Variants in TLE3 observed in about 807,000 individuals in gnomAD.
The protein encoded by TLE3 is transducin-like enhancer protein 3.
A neutral mutation model predicts 93.0 loss-of-function variants in TLE3; 14 were observed. That is an observed-to-expected ratio of 0.15 (90% confidence interval 0.10 to 0.24). The LOEUF is 0.24. TLE3 is among the 10% of genes least tolerant of loss of function. The probability of loss-of-function intolerance (pLI) is 1.00; values close to 1 mark genes in which losing one functional copy is unlikely to be tolerated. For missense variants in TLE3, 693 were observed against 1,046.6 expected (o/e 0.66, Z 4.66); for synonymous variants, 451 against 425.0 (o/e 1.06, Z -0.75).
chr15:70,065,984 G>GGCCCACCCCCC, intron 7 of TLE3, 30 bp downstream of exon 7: 1 of 768,878 alleles, frequency 1.3e-6, no homozygotes, highest in Non-Finnish European at 2.1e-6. Context: ...CCCCTGCCCC[G>GGCCCACCCCCC]CCCCACCCTC....
chr15:70,064,306 G>C, intron 8 of TLE3, 148 bp downstream of exon 8: 1 of 928,186 alleles, frequency 1.1e-6, no homozygotes, highest in Non-Finnish European at 1.6e-6. Context: ...AAAATCCCTA[G>C]TTACAACCCA....
intron 3 of TLE3, 53 bp downstream of exon 3, chr15:70,095,525 C>G (rs1161259283): frequency 6.5e-7 from 1 of 1,546,954 alleles, no homozygotes; most frequent in South Asian, 1.2e-5. Context: ...ACGCCGCGCC[C>G]CCGGCCGGGG....
At chr15:70,053,751 TAAAG>T (rs1224854568) in intron 16 of TLE3, 1 of 176,156 alleles carries the variant, frequency 5.7e-6, no homozygotes, top group Non-Finnish European at 1.2e-5. Flanking sequence ...AGATGACTGA[TAAAG>T]AGAATGCAGG....
chr15:70,075,110 G>A (rs1197673847), intron 5 of TLE3, among the ~76,000 whole-genome samples: 3 of 152,238 alleles, frequency 2.0e-5, no homozygotes, highest in African/African-American at 7.2e-5. Flanking sequence ...ATCCATACCT[G>A]TCTAAATAGA....
rs200168681 is a variant in TLE3, at chr15:70,056,383, C to T, written c.1252-9G>A. 78 of 1,610,340 alleles carry T rather than the reference C, an allele frequency of 4.8e-5. No individual in the cohort carries two copies. Among genetic ancestry groups the T allele is most frequent in the Non-Finnish European group, 1.1e-5 (13 of 1,177,802 alleles). On this transcript the variant is annotated splice_polypyrimidine_tract_variant and intron_variant, in intron 13 of 19. Transcript: ENST00000451782. ...TGAGGGTCAAAACCAACCTGTAAAG[C>T]AAGGCAAGACAGCCCTCCATCAGCC... is the stretch of plus-strand genomic sequence containing the variant.
At position 70,050,087 on chromosome 15, in the gene TLE3, G is replaced by T. The variant is rs1407182317; in HGVS notation, c.*10C>A. 6.2e-7 allele frequency: 1 copy of T among 1,609,634 alleles called. No individual in the cohort carries two copies. The highest frequency in any genetic ancestry group is 8.5e-7 in the Non-Finnish European group (1 of 1,175,990). On this transcript the variant is annotated 3_prime_UTR_variant, in exon 20 of 20. Coordinates refer to ENST00000451782, the MANE Select transcript of TLE3 (RefSeq NM_001105192.3). Reference sequence around the variant, plus strand: ...CTCCCAGAGTTTGACAGCCCTGCTGGAGTTCTTGTTTAGTAGATGACCTCA... The same window carrying T: ...CTCCCAGAGTTTGACAGCCCTGCTGTAGTTCTTGTTTAGTAGATGACCTCA...
intron 7 of TLE3, among the ~76,000 whole-genome samples, chr15:70,065,234 C>T (rs1016190958): frequency 1.3e-5 from 2 of 152,248 alleles, no homozygotes; most frequent in African/African-American, 4.8e-5. Context: ...AATACCGTAT[C>T]TAAGGGCAGA....
Position 70,096,184 on chromosome 15 carries a change from C to G in TLE3, c.102G>C (p.Gln34His). Residue 34 changes from glutamine (Q) to histidine (H), a missense_variant, in exon 2 of 20, where the codon CAG becomes CAC. Gln to His is a conservative substitution (Grantham distance 24). Transcript: ENST00000451782. ...ESCDRIKDEF[Q>H]FLQAQYHSLK... ...ACCTGTGATACTGAGCTTGCAGGAA[C>G]TGGAATTCGTCTTTGATCCTGTCAC... The G allele has an allele frequency of 6.4e-7, 1 of 1,559,546 alleles. No individual in the cohort carries two copies. Among genetic ancestry groups the G allele is most frequent in the Non-Finnish European group, 8.7e-7 (1 of 1,151,480 alleles).
intron 6 of TLE3, among the ~76,000 whole-genome samples, chr15:70,073,442 C>T (rs896838277): frequency 2.6e-5 from 4 of 152,144 alleles, no homozygotes; most frequent in Admixed American, 1.3e-4. Flanking sequence ...TGACTTCCCA[C>T]GAGAACAGAA....
rs1475689868 is a variant in TLE3, at chr15:70,095,597, A to G, written c.170T>C (p.Met57Thr). The G allele has an allele frequency of 6.4e-7, 1 of 1,551,492 alleles. No individual in the cohort carries two copies. Among genetic ancestry groups the G allele is most frequent in the Non-Finnish European group, 8.7e-7 (1 of 1,146,886 alleles). The change falls in exon 3 of 20, where the codon ATG becomes ACG. Residue 57 changes from methionine (M) to threonine (T), a missense_variant. Transcript: ENST00000451782. Reference protein sequence around the residue: ...YDKLANEKTEMQRHYVMYYEM... With the variant: ...YDKLANEKTETQRHYVMYYEM... ...TCTCACCATCACATAATGGCGCTGC[A>G]TCTCCGTCTTCTCGTTTGCCAGCTT...
chr15:70,063,045 C>T (rs925435514), intron 8 of TLE3, among the ~76,000 whole-genome samples: 2 of 152,226 alleles, frequency 1.3e-5, no homozygotes, highest in African/African-American at 4.8e-5. Context: ...GGGCTTCCCA[C>T]TCCCCCTCCA....
intron 6 of TLE3, among the ~76,000 whole-genome samples, chr15:70,068,059 G>A (rs941558464): frequency 2.0e-5 from 3 of 152,168 alleles, no homozygotes; most frequent in Admixed American, 6.5e-5. Flanking sequence ...TCTAGGATGG[G>A]CGCTTACTCT....
Position 70,058,322 on chromosome 15 carries a change from C to T in TLE3, c.919-31G>A, listed in dbSNP as rs373022580. 17 of 1,564,766 alleles carry T rather than the reference C, an allele frequency of 1.1e-5. No individual in the cohort carries two copies. The African/African-American group carries it at 1.6e-4, about 15-fold the overall frequency. On this transcript the variant is annotated intron_variant, in intron 11 of 19. Coordinates refer to ENST00000451782, the MANE Select transcript of TLE3 (RefSeq NM_001105192.3). The surrounding 1 kb of genome is among the most constrained non-coding windows in gnomAD (Gnocchi z 4.1). The stretch of plus-strand genomic sequence containing the variant: ...GAGGGGAGATGCAGAACAAGGGAGG[C>T]CATGAGGCTTCCATTCTCCTAGGAG...
chr15:70,096,117 C>T, intron 2 of TLE3, 44 bp downstream of exon 2: 2 of 1,534,964 alleles, frequency 1.3e-6, no homozygotes, highest in Non-Finnish European at 1.8e-6. Flanking sequence ...CGCAGGGGAC[C>T]CACCCCTCCC....
At chr15:70,094,650 G>C (rs1210443629) in intron 3 of TLE3, 74 bp from the exon 4 acceptor site, 2 of 1,183,504 alleles carry the variant, frequency 1.7e-6, no homozygotes, top group East Asian at 5.1e-5. Context: ...TTTTTTCTTG[G>C]AAAGGTTTTG....
At chr15:70,069,790 G>C (rs2057035329) in intron 6 of TLE3, among the ~76,000 whole-genome samples, 1 of 152,256 alleles carries the variant, frequency 6.6e-6, no homozygotes, top group African/African-American at 2.4e-5. Context: ...TCCCTGACAG[G>C]TGTGGGGGCC....
At chr15:70,076,275 A>G in intron 4 of TLE3, 117 bp from the exon 5 acceptor site, 1 of 895,904 alleles carries the variant, frequency 1.1e-6, no homozygotes, top group African/African-American at 1.6e-5. Context: ...ACGGGGCTCC[A>G]TCCTTTCTGC....
chr15:70,064,421 C>T, intron 8 of TLE3, 33 bp downstream of exon 8: 5 of 1,613,066 alleles, frequency 3.1e-6, no homozygotes, highest in Non-Finnish European at 4.2e-6. Flanking sequence ...AGCACCCAAA[C>T]ACCCCTCCGG....
intron 6 of TLE3, 77 bp from the exon 7 acceptor site, chr15:70,066,295 G>T: frequency 7.8e-7 from 1 of 1,282,568 alleles, no homozygotes. Context: ...AGGGAGGGAG[G>T]GAGTGGCTCT....
Sources: gnomAD v4.1 joint callset for allele counts (sites outside exome capture counted in the v4.1 genomes callset) on GRCh38, gnomAD v4.1.1 for gene constraint, Gnocchi (gnomAD v3.1) non-coding constraint, MANE v1.5 for transcripts, NCBI Gene and HGNC (gene_info 2026-07-23, HGNC 2026-07-21) for gene names.